Variants in HMCN1 observed in about 807,000 individuals in gnomAD.
The protein encoded by HMCN1 is hemicentin-1.
HMCN1 carries 321 observed loss-of-function variants against 625.9 expected under a neutral mutation model. The ratio of observed to expected loss-of-function variants is 0.51; its 90% CI spans 0.47 to 0.56. HMCN1 has a LOEUF of 0.56. Among genes scored for constraint, HMCN1 ranks in the 20% least tolerant of loss-of-function variants. HMCN1 has a pLI of 0.00. For missense variants in HMCN1, 6,588 were observed against 6,887.3 expected (o/e 0.96, Z 1.54); for synonymous variants, 2,425 against 2,417.6 (o/e 1.00, Z -0.09).
chr1:186,007,095 T>C, intron 29 of HMCN1, 33 bp from the exon 30 acceptor site: 2 of 1,550,382 alleles, frequency 1.3e-6, no homozygotes. Flanking sequence ...AAACTGAAAA[T>C]AGACCCATGG....
At chr1:186,166,147 T>C in intron 98 of HMCN1, 37 bp from the exon 99 acceptor site, 1 of 1,612,760 alleles carries the variant, frequency 6.2e-7, no homozygotes, top group South Asian at 1.1e-5. Context: ...GTAAGGATTT[T>C]ACATACTGAT....
Position 186,058,019 on chromosome 1 carries a change from A to G in HMCN1, c.7312+618A>G, listed in dbSNP as rs556228982. Among the ~76,000 whole-genome samples the G allele has an allele frequency of 3.3e-5, 5 of 152,124 alleles. No individual in the cohort carries two copies. In the East Asian group the frequency reaches 9.7e-4, roughly 29 times the overall value. ...GGTTACAGACTAAGATAATCTTGCC[A>G]AGTTTTTGGTTAATAAAAAGCTTAG... On this transcript the variant is annotated intron_variant, in intron 46 of 106. Coordinates refer to ENST00000271588, the MANE Select transcript of HMCN1 (RefSeq NM_031935.3).
In HMCN1 at chr1:185,774,350, A is replaced by G. The variant is rs377458475; in HGVS notation, c.268+39303A>G. 2.0e-5 allele frequency among the ~76,000 whole-genome samples: 3 copies of G among 152,180 alleles called. No individual in the cohort carries two copies. In the East Asian group the frequency reaches 5.8e-4, roughly 29 times the overall value. The stretch of plus-strand genomic sequence containing the variant: ...GGTATAACTTTGGAAAGGAAAAGCA[A>G]CTCTAACACCAGTTTATCTACTACA... On this transcript the variant is annotated intron_variant, in intron 1 of 106. Transcript: ENST00000271588.
At chr1:186,161,060 T>A (rs1651434180) in intron 97 of HMCN1, among the ~76,000 whole-genome samples, 1 of 152,186 alleles carries the variant, frequency 6.6e-6, no homozygotes, top group African/African-American at 2.4e-5. Context: ...AGTCTAAGTC[T>A]CTTTCTAGGT....
intron 1 of HMCN1, among the ~76,000 whole-genome samples, chr1:185,782,995 C>A (rs981598447): frequency 6.6e-6 from 1 of 152,174 alleles, no homozygotes; most frequent in African/African-American, 2.4e-5. Context: ...ATCAGACGCA[C>A]ATTTGGTCTT....
At position 185,959,531 on chromosome 1, in the gene HMCN1, TTAAA is replaced by T. The variant is rs1649862135; in HGVS notation, c.1829-2982_1829-2979del. 2.6e-5 allele frequency among the ~76,000 whole-genome samples: 4 copies of T among 152,296 alleles called. No individual in the cohort carries two copies. The South Asian group carries it at 8.3e-4, about 32-fold the overall frequency. ...AACATGTATTTCGCTTTTGTTATAA[TTAAA>T]TAAAAAGCAAATTAATACCTTGCCC... On this transcript the variant is annotated intron_variant, in intron 11 of 106. Transcript: ENST00000271588.
rs1282431882 is a variant in HMCN1, at chr1:186,130,402, C to T, written c.13040-105C>T. 4 of 1,164,122 alleles carry T rather than the reference C, an allele frequency of 3.4e-6. No homozygotes were observed. In the East Asian group the frequency reaches 9.6e-5, roughly 28 times the overall value. 72.1% of individuals were successfully genotyped at this position (1,164,122 alleles called of 1,614,324 possible). A position where few individuals can be genotyped will look rare whatever the true frequency, so the allele number is the denominator to read the frequency against. On this transcript the variant is annotated intron_variant, in intron 84 of 106. Transcript: ENST00000271588. ...GAAATTTCATGAGTCTTTAAGGTGG[C>T]TTTACTCCCCTCTTTACTAAATTAT...
chr1:186,097,559 A>G (rs1177571798), intron 68 of HMCN1, among the ~76,000 whole-genome samples: 1 of 152,144 alleles, frequency 6.6e-6, no homozygotes, highest in Non-Finnish European at 1.5e-5. Context: ...AATGGAAAGG[A>G]AACAAATAAA....
intron 12 of HMCN1, 64 bp downstream of exon 12, chr1:185,962,723 C>T (rs1424006308): frequency 2.2e-6 from 2 of 917,188 alleles, no homozygotes; most frequent in East Asian, 4.8e-5. Context: ...ACTTCTGGAC[C>T]AAACTAATAT....
At chr1:186,107,925 A>G (rs768295612) in intron 70 of HMCN1, among the ~76,000 whole-genome samples, 37 of 152,044 alleles carry the variant, frequency 2.4e-4, no homozygotes, top group Non-Finnish European at 5.1e-4. Flanking sequence ...AAAAACTAAC[A>G]GAAGATCTTT....
At chr1:186,175,135 T>C (rs1364681211) in intron 103 of HMCN1, among the ~76,000 whole-genome samples, 1 of 152,220 alleles carries the variant, frequency 6.6e-6, no homozygotes, top group Non-Finnish European at 1.5e-5. Flanking sequence ...TTGCTAAAAA[T>C]ATCTCATTTC....
intron 81 of HMCN1, among the ~76,000 whole-genome samples, chr1:186,124,762 G>A (rs892417080): frequency 3.3e-5 from 5 of 151,952 alleles, no homozygotes; most frequent in South Asian, 2.1e-4. Context: ...CTTTTCACTC[G>A]TTAAAATGTC....
At chr1:185,989,164 C>T (rs764056677) in intron 20 of HMCN1, among the ~76,000 whole-genome samples, 74 of 151,792 alleles carry the variant, frequency 4.9e-4, no homozygotes, top group Admixed American at 3.3e-4. Context: ...CCTGCCACCT[C>T]GCCCGGCTAA....
intron 9 of HMCN1, among the ~76,000 whole-genome samples, chr1:185,927,946 TG>T (rs1170221140): frequency 6.6e-6 from 1 of 152,120 alleles, no homozygotes; most frequent in African/African-American, 2.4e-5. Context: ...ATTTATTAAA[TG>T]AATGAATACA....
chr1:185,881,941 T>G (rs1249466947), intron 4 of HMCN1, among the ~76,000 whole-genome samples: 1 of 152,214 alleles, frequency 6.6e-6, no homozygotes, highest in South Asian at 2.1e-4. Flanking sequence ...TTTTTGGATT[T>G]TCCCTGTACT....
chr1:185,993,693 T>C (rs1190169553), intron 23 of HMCN1, among the ~76,000 whole-genome samples: 1 of 152,152 alleles, frequency 6.6e-6, no homozygotes, highest in East Asian at 1.9e-4. Context: ...ATTTTCAATA[T>C]TTAAAGATCT....
intron 65 of HMCN1, 49 bp downstream of exon 65, chr1:186,093,307 A>T: frequency 6.2e-7 from 1 of 1,611,324 alleles, no homozygotes; most frequent in Admixed American, 1.7e-5. Context: ...TTAAGAATCT[A>T]CCAGTAGAAG....
Position 185,925,054 on chromosome 1 carries a change from C to G in HMCN1, c.1293C>G (p.Pro431=), listed in dbSNP as rs1340412479. 2 of 1,611,350 alleles carry G rather than the reference C, an allele frequency of 1.2e-6. No homozygotes were observed. Among genetic ancestry groups the G allele is most frequent in the Non-Finnish European group, 8.5e-7 (1 of 1,178,456 alleles). ...VSFSSIVPDA[P]KVTMPEKTPG... ...TTTTGTTTTTTTTCCTAGATGCTCCCAAAGTTACGATGCCTGAGAAAACCC... is the reference window on the plus strand; with the variant it reads ...TTTTGTTTTTTTTCCTAGATGCTCCGAAAGTTACGATGCCTGAGAAAACCC... Residue 431 remains proline, a synonymous_variant, in exon 9 of 107, where the codon CCC becomes CCG. Coordinates refer to ENST00000271588, the MANE Select transcript of HMCN1 (RefSeq NM_031935.3).
chr1:186,067,397 T>A lies in HMCN1; in HGVS notation c.7706-437T>A, dbSNP rs572075314. Among the ~76,000 whole-genome samples the A allele has an allele frequency of 2.0e-5, 3 of 152,230 alleles. No individual in the cohort carries two copies. In the East Asian group the frequency reaches 5.8e-4, roughly 29 times the overall value. ...TGCTTACAATTTAATACTACCATGC[T>A]CCCAACATGTTCCCTCTTACTAGTC... On this transcript the variant is annotated intron_variant, in intron 49 of 106. Coordinates refer to ENST00000271588, the MANE Select transcript of HMCN1 (RefSeq NM_031935.3).
Sources: gnomAD v4.1 joint callset for allele counts (sites outside exome capture counted in the v4.1 genomes callset) on GRCh38, gnomAD v4.1.1 for gene constraint, MANE v1.5 for transcripts, NCBI Gene and HGNC (gene_info 2026-07-23, HGNC 2026-07-21) for gene names.